The following GABRB1 variants were observed in gnomAD, a reference collection of about 807,000 sequenced individuals.
GABRB1 encodes gamma-aminobutyric acid type A receptor subunit beta1.
GABRB1 carries 17 observed loss-of-function variants against 51.6 expected under a neutral mutation model. The observed-to-expected ratio is 0.33, with a 90% CI of 0.23 to 0.49. GABRB1 has a LOEUF of 0.49. Among genes scored for constraint, GABRB1 ranks in the 20% least tolerant of loss-of-function variants. The pLI is 0.99. For missense variants in GABRB1, 410 were observed against 600.6 expected (o/e 0.68, Z 3.32); for synonymous variants, 247 against 218.9 (o/e 1.13, Z -1.14).
At chr4:47,339,037 A>G (rs1560340498) in intron 5 of GABRB1, among the ~76,000 whole-genome samples, 1 of 152,210 alleles carries the variant, frequency 6.6e-6, no homozygotes, top group African/African-American at 2.4e-5. Flanking sequence ...TTATTCACCC[A>G]CAAAGTTTCT....
chr4:47,028,230 A>C (rs1228723131), upstream of GABRB1, among the ~76,000 whole-genome samples: 6 of 151,740 alleles, frequency 4.0e-5, no homozygotes, highest in Non-Finnish European at 8.9e-5. Context: ...TATGGGGTAC[A>C]TGAGATGTTT....
intron 4 of GABRB1, among the ~76,000 whole-genome samples, chr4:47,171,178 T>C (rs1364200215): frequency 6.6e-6 from 1 of 151,674 alleles, no homozygotes; most frequent in African/African-American, 2.4e-5. Flanking sequence ...GAAGATTAAA[T>C]ACAAACAGTA....
chr4:47,103,882 C>T (rs190537387), intron 3 of GABRB1, among the ~76,000 whole-genome samples: 140 of 151,786 alleles, frequency 9.2e-4, no homozygotes, highest in Non-Finnish European at 1.5e-3. Context: ...TAACAAATAA[C>T]ATTTTCTAAC....
intron 4 of GABRB1, among the ~76,000 whole-genome samples, chr4:47,318,690 A>C (rs73249607): frequency 0.17 from 26,177 of 151,960 alleles, 2,384 homozygotes; most frequent in Non-Finnish European, 0.21. Context: ...GGACTTCATT[A>C]TCTCTCCATT....
At chr4:47,104,053 A>G (rs1714840037) in intron 3 of GABRB1, among the ~76,000 whole-genome samples, 1 of 151,838 alleles carries the variant, frequency 6.6e-6, no homozygotes, top group Admixed American at 6.6e-5. Context: ...GCATGAAGAA[A>G]TTTTTTAAGA....
intron 3 of GABRB1, among the ~76,000 whole-genome samples, chr4:47,079,469 CA>C (rs917285430): frequency 1.3e-5 from 2 of 151,832 alleles, no homozygotes; most frequent in African/African-American, 4.8e-5. Flanking sequence ...TCCCCTTTAT[CA>C]TTTTTTTTTG....
intron 4 of GABRB1, among the ~76,000 whole-genome samples, chr4:47,318,031 T>G (rs547834965): frequency 5.9e-5 from 9 of 152,106 alleles, no homozygotes; most frequent in African/African-American, 2.2e-4. Flanking sequence ...TTTAATGATA[T>G]CCCAGTAAAG....
At chr4:47,070,938 T>G (rs1727309587) in intron 3 of GABRB1, among the ~76,000 whole-genome samples, 1 of 152,226 alleles carries the variant, frequency 6.6e-6, no homozygotes. Flanking sequence ...CATCTCCATT[T>G]ATTTGTCTAA....
At chr4:47,021,432 A>C (rs1320550222) in intron 1 of GABRB1, among the ~76,000 whole-genome samples, 3 of 152,180 alleles carry the variant, frequency 2.0e-5, no homozygotes, top group African/African-American at 7.2e-5. Context: ...GTGTGGACAC[A>C]GGAAATGCTA....
At chr4:47,370,298 A>C (rs12331242) in intron 5 of GABRB1, among the ~76,000 whole-genome samples, 151,381 of 152,222 alleles carry the variant, frequency 0.99, 75,274 homozygotes, top group East Asian at 1. Flanking sequence ...ACCAGCCTGG[A>C]CAACATGGTG....
intron 4 of GABRB1, among the ~76,000 whole-genome samples, chr4:47,295,940 T>G (rs947147337): frequency 2.6e-5 from 4 of 151,912 alleles, no homozygotes; most frequent in Admixed American, 1.3e-4. Flanking sequence ...CAGAAGAGAG[T>G]GGGGGCCAAT....
At chr4:47,399,712 G>A (rs1457488436) in intron 5 of GABRB1, among the ~76,000 whole-genome samples, 1 of 152,100 alleles carries the variant, frequency 6.6e-6, no homozygotes, top group African/African-American at 2.4e-5. Context: ...GTGGTATTTT[G>A]GCAGGGAGTA....
chr4:47,213,954 C>T lies in GABRB1; in HGVS notation c.461+52485C>T, dbSNP rs541358457. On this transcript the variant is annotated intron_variant, in intron 4 of 8. Transcript: ENST00000295454. ...GTGATTCTTTTCATTAAGTAAGACT[C>T]TTAATTTTCTCTGCTTTTTTCCTTC... Among the ~76,000 whole-genome samples, 190 of 151,844 alleles carry T rather than the reference C, an allele frequency of 1.3e-3. 1 individual carries two copies. Among genetic ancestry groups the T allele is most frequent in the African/African-American group, 4.3e-3 (177 of 41,402 alleles).
chr4:47,088,029 G>C (rs1728150497), intron 3 of GABRB1, among the ~76,000 whole-genome samples: 1 of 152,098 alleles, frequency 6.6e-6, no homozygotes, highest in Non-Finnish European at 1.5e-5. Flanking sequence ...TGTTAAGTTG[G>C]TATTATTTTA....
intron 4 of GABRB1, among the ~76,000 whole-genome samples, chr4:47,164,821 G>A (rs1013182574): frequency 1.4e-4 from 21 of 152,084 alleles, no homozygotes; most frequent in African/African-American, 4.8e-4. Context: ...TAACAGAATG[G>A]TGTCTGGTAA....
At chr4:47,407,072 G>A (rs555656071) in intron 8 of GABRB1, 146 bp downstream of exon 8, 23 of 833,300 alleles carry the variant, frequency 2.8e-5, no homozygotes, top group Non-Finnish European at 3.6e-5. Context: ...CATATTCAGG[G>A]ACTGAGGAAT....
intron 1 of GABRB1, among the ~76,000 whole-genome samples, chr4:46,997,378 G>A (rs900766599): frequency 1.6e-4 from 24 of 150,928 alleles, no homozygotes; most frequent in African/African-American, 5.8e-4. Context: ...ATTATTAACT[G>A]TGGCCTCATG....
intron 5 of GABRB1, among the ~76,000 whole-genome samples, chr4:47,324,525 G>A: frequency 6.6e-6 from 1 of 152,228 alleles, no homozygotes; most frequent in East Asian, 1.9e-4. Flanking sequence ...TACTTGAAAG[G>A]ATAATCTATA....
chr4:47,294,429 T>C (rs1343003724), intron 4 of GABRB1, among the ~76,000 whole-genome samples: 1 of 152,194 alleles, frequency 6.6e-6, no homozygotes, highest in East Asian at 1.9e-4. Flanking sequence ...CCGACAGGCT[T>C]AAAAAACGGC....
Sources: gnomAD v4.1 joint callset for allele counts (sites outside exome capture counted in the v4.1 genomes callset) on GRCh38, gnomAD v4.1.1 for gene constraint, MANE v1.5 for transcripts, NCBI Gene and HGNC (gene_info 2026-07-23, HGNC 2026-07-21) for gene names.